MPP4: variants seen among roughly 807,000 people sequenced by gnomAD.
MPP4 encodes MAGUK p55 subfamily member 4.
A neutral mutation model predicts 98.3 loss-of-function variants in MPP4; 91 were observed. That is an observed-to-expected ratio of 0.93 (90% CI 0.78 to 1.10). The LOEUF (loss-of-function observed/expected upper bound fraction) is 1.10. MPP4 is among the 50% of genes least tolerant of loss of function. The pLI is 0.00. For missense variants in MPP4, 744 were observed against 792.9 expected (o/e 0.94, Z 0.74); for synonymous variants, 261 against 271.8 (o/e 0.96, Z 0.39).
At chr2:201,697,226 T>A (rs1351418796) in intron 1 of MPP4, among the ~76,000 whole-genome samples, 1 of 152,226 alleles carries the variant, frequency 6.6e-6, no homozygotes, top group Non-Finnish European at 1.5e-5. Context: ...CAGAACTGTA[T>A]GAGAAAATAC....
At chr2:201,669,777 G>T in intron 11 of MPP4, 27 bp from the exon 12 acceptor site, 1 of 1,376,564 alleles carries the variant, frequency 7.3e-7, no homozygotes, top group Non-Finnish European at 9.5e-7. Context: ...GATTGAAGCA[G>T]GGGGGATAAA....
chr2:201,669,331 GAAT>G (rs966643158), intron 12 of MPP4, among the ~76,000 whole-genome samples: 2 of 151,894 alleles, frequency 1.3e-5, no homozygotes, highest in Non-Finnish European at 2.9e-5. Flanking sequence ...CATAACATGG[GAAT>G]AATAATAATA....
chr2:201,664,320 CAG>C (rs1216273071), intron 13 of MPP4: 2 of 1,450,288 alleles, frequency 1.4e-6, no homozygotes, highest in Admixed American at 2.1e-5. Flanking sequence ...TGATGACAGT[CAG>C]GGGTGCAGCA....
In MPP4 at chr2:201,647,702, T is replaced by C. The variant is rs1301262653; in HGVS notation, c.1708A>G (p.Met570Val). The change falls in exon 21 of 22, where the codon ATG (methionine) becomes GTG (valine). Residue 570 changes from methionine (M) to valine (V), a missense_variant. Met to Val is a conservative substitution (Grantham distance 21, BLOSUM62 1). Transcript: ENST00000409474. ...TGACTTGCTCTTACCTTGAACTTCA[T>C]GTCCACATAGTAGTCAGTAATAACC... ...AKVITDYYVD[M>V]KFKDEDLQEM... 1.3e-5 allele frequency: 21 copies of C among 1,613,424 alleles called. No homozygotes were observed. Among genetic ancestry groups the C allele is most frequent in the Non-Finnish European group, 1.7e-5 (20 of 1,179,558 alleles).
At chr2:201,673,834 T>G (rs1688417567) in intron 11 of MPP4, among the ~76,000 whole-genome samples, 1 of 152,236 alleles carries the variant, frequency 6.6e-6, no homozygotes, top group African/African-American at 2.4e-5. Flanking sequence ...AGATCTGTGA[T>G]GTTGATACTT....
chr2:201,675,958 T>G (rs1427635004), intron 10 of MPP4, among the ~76,000 whole-genome samples: 1 of 152,238 alleles, frequency 6.6e-6, no homozygotes, highest in Non-Finnish European at 1.5e-5. Context: ...CACCTTTACC[T>G]GGGAGCTTGT....
At position 201,690,426 on chromosome 2, in the gene MPP4, C is replaced by G; in HGVS notation, c.202-147G>C. The G allele has an allele frequency of 5.9e-6, 3 of 511,964 alleles. No homozygotes were observed. The Middle Eastern group carries it at 8.6e-4, about 146-fold the overall frequency. The allele number at this position is 511,964 out of a possible 1,614,324, so 31.7% of individuals were successfully genotyped here. On this transcript the variant is annotated intron_variant, in intron 3 of 21. Transcript: ENST00000409474. ...GTGGTTGGTGTTTAGTAAGTTGTGT[C>G]TCTAGTTGCCAAAGAGAAATGAACT...
At chr2:201,674,681 A>G (rs1196213896) in intron 11 of MPP4, among the ~76,000 whole-genome samples, 2 of 152,184 alleles carry the variant, frequency 1.3e-5, no homozygotes, top group Non-Finnish European at 2.9e-5. Flanking sequence ...CCTTCCCCTA[A>G]AACTCAGCCG....
At chr2:201,697,076 T>C (rs898422032) in intron 1 of MPP4, among the ~76,000 whole-genome samples, 3 of 152,068 alleles carry the variant, frequency 2.0e-5, no homozygotes, top group Non-Finnish European at 2.9e-5. Context: ...AGCGTCTGGG[T>C]AAGAGCCATC....
At chr2:201,681,594 G>A in intron 8 of MPP4, 27 bp from the exon 9 acceptor site, 1 of 1,581,764 alleles carries the variant, frequency 6.3e-7, no homozygotes, top group Non-Finnish European at 8.7e-7. Flanking sequence ...GAGAAAGGAT[G>A]ACAATCATGG....
In MPP4 at chr2:201,682,386, T is replaced by C. The variant is rs138639149; in HGVS notation, c.660+445A>G. On this transcript the variant is annotated intron_variant, in intron 8 of 21. Coordinates refer to ENST00000409474, the MANE Select transcript of MPP4 (RefSeq NM_033066.3). ...GAACCCAGTTTGAGAACCACTGGTCTATCCACTATAAGAAAGGCTGCCCTC... is the reference window on the plus strand; with the variant it reads ...GAACCCAGTTTGAGAACCACTGGTCCATCCACTATAAGAAAGGCTGCCCTC... Among the ~76,000 whole-genome samples, 4 of 152,306 alleles carry C rather than the reference T, an allele frequency of 2.6e-5. No homozygotes were observed. In the East Asian group the frequency reaches 7.7e-4, roughly 29 times the overall value.
intron 10 of MPP4, among the ~76,000 whole-genome samples, chr2:201,679,654 TCAA>T (rs1272717886): frequency 2.0e-5 from 3 of 152,148 alleles, no homozygotes; most frequent in African/African-American, 4.8e-5. Flanking sequence ...CTCAAAGACA[TCAA>T]CAACAGCAAT....
chr2:201,651,902 G>A (rs369259600), intron 18 of MPP4: 1 of 541,196 alleles, frequency 1.8e-6, no homozygotes, highest in East Asian at 1.5e-4. Context: ...GTAGTGAGCC[G>A]AGATAACACC....
chr2:201,694,018 G>A lies in MPP4; in HGVS notation c.-64C>T. The A allele has an allele frequency of 6.2e-7, 1 of 1,613,140 alleles. No homozygotes were observed. Among genetic ancestry groups the A allele is most frequent in the Non-Finnish European group, 8.5e-7 (1 of 1,179,524 alleles). On this transcript the variant is annotated 5_prime_UTR_variant, in exon 2 of 22. Coordinates refer to ENST00000409474, the MANE Select transcript of MPP4 (RefSeq NM_033066.3). ...GAAGCGGGTCAATACACGGCACACAGCTCACTCAGTCCCACTGGCCACCAG... is the reference window on the plus strand; with the variant it reads ...GAAGCGGGTCAATACACGGCACACAACTCACTCAGTCCCACTGGCCACCAG...
intron 15 of MPP4, among the ~76,000 whole-genome samples, chr2:201,659,054 C>T (rs1482573863): frequency 1.3e-5 from 2 of 152,124 alleles, no homozygotes; most frequent in African/African-American, 4.8e-5. Context: ...CACCACCATG[C>T]CCGGCTAATT....
intron 14 of MPP4, chr2:201,661,351 C>T (rs1264363385): frequency 8.8e-6 from 4 of 454,536 alleles, no homozygotes; most frequent in Middle Eastern, 3.3e-4. Context: ...ACCTTAACTG[C>T]TCACTAAGCA....
chr2:201,676,977 C>T (rs1423399895), intron 10 of MPP4, among the ~76,000 whole-genome samples: 1 of 152,244 alleles, frequency 6.6e-6, no homozygotes, highest in Non-Finnish European at 1.5e-5. Context: ...CAGAAATATT[C>T]TCTGCATAAT....
At chr2:201,655,659 A>G (rs895092908) in intron 17 of MPP4, among the ~76,000 whole-genome samples, 1 of 152,228 alleles carries the variant, frequency 6.6e-6, no homozygotes, top group Admixed American at 6.5e-5. Context: ...ACAGGGACCA[A>G]CTTTGCAAAA....
chr2:201,693,322 T>A (rs535749623), intron 2 of MPP4, among the ~76,000 whole-genome samples: 30 of 152,288 alleles, frequency 2.0e-4, no homozygotes, highest in African/African-American at 6.7e-4. Context: ...AGATGTAAGA[T>A]GTCATGAAAG....
Sources: allele counts gnomAD v4.1 joint callset (sites outside exome capture counted in the v4.1 genomes callset), GRCh38; gene constraint gnomAD v4.1.1; transcripts MANE v1.5; gene names NCBI Gene and HGNC (gene_info 2026-07-23, HGNC 2026-07-21).